SLC2A9: variants seen among roughly 807,000 people sequenced by gnomAD.
SLC2A9 encodes solute carrier family 2, facilitated glucose transporter member 9.
Under a neutral mutation model 50.6 loss-of-function variants are expected in SLC2A9, and 39 were observed. The ratio of observed to expected loss-of-function variants is 0.77; its 90% CI spans 0.60 to 1.01. The LOEUF is 1.01. SLC2A9 is among the 50% of genes least tolerant of loss of function. The probability of loss-of-function intolerance (pLI) is 0.00; values close to 1 mark genes in which losing one functional copy is unlikely to be tolerated. For synonymous variants in SLC2A9, 324 were observed against 276.9 expected (o/e 1.17, Z -1.69); for missense variants, 686 against 677.6 (o/e 1.01, Z -0.14).
intron 5 of SLC2A9, among the ~76,000 whole-genome samples, chr4:9,955,747 C>T (rs1270742011): frequency 2.6e-5 from 4 of 151,904 alleles, no homozygotes; most frequent in African/African-American, 4.8e-5. Flanking sequence ...GATTTGCTGC[C>T]GCGGACACCT....
chr4:9,813,412 T>G (rs1444592348), intron 3 of SLC2A9, among the ~76,000 whole-genome samples: 9 of 152,236 alleles, frequency 5.9e-5, no homozygotes, highest in Non-Finnish European at 7.3e-5. Context: ...CGCAGTTTGA[T>G]GAAATCCTAA....
At chr4:9,964,289 T>C (rs1392782888) in intron 5 of SLC2A9, among the ~76,000 whole-genome samples, 1 of 152,094 alleles carries the variant, frequency 6.6e-6, no homozygotes, top group Non-Finnish European at 1.5e-5. Flanking sequence ...TCCCAGCTGG[T>C]GCCAGTTCTG....
At chr4:9,804,888 G>T (rs890117287) in intron 3 of SLC2A9, among the ~76,000 whole-genome samples, 4 of 152,150 alleles carry the variant, frequency 2.6e-5, no homozygotes, top group Admixed American at 1.3e-4. Context: ...GGAAGTAGTT[G>T]GAAGAGCTGA....
chr4:9,888,466 T>A (rs1736714631), intron 9 of SLC2A9, among the ~76,000 whole-genome samples: 1 of 152,076 alleles, frequency 6.6e-6, no homozygotes, highest in South Asian at 2.1e-4. Flanking sequence ...CTGTCACTCA[T>A]CCGGGGGGTG....
chr4:9,920,669 C>T, intron 6 of SLC2A9, 97 bp from the exon 7 acceptor site: 1 of 1,424,712 alleles, frequency 7.0e-7, no homozygotes, highest in Non-Finnish European at 9.8e-7. Flanking sequence ...CTCCTAGCCA[C>T]ACACCTTAGC....
chr4:9,809,825 C>T (rs1722637548), intron 3 of SLC2A9, among the ~76,000 whole-genome samples: 1 of 151,754 alleles, frequency 6.6e-6, no homozygotes, highest in South Asian at 2.1e-4. Flanking sequence ...CAACCCTAAT[C>T]TAGCCGCCAT....
intron 10 of SLC2A9, among the ~76,000 whole-genome samples, chr4:9,845,678 C>T (rs1728873809): frequency 6.6e-6 from 1 of 152,002 alleles, no homozygotes; most frequent in Non-Finnish European, 1.5e-5. Context: ...GATCCGCCCG[C>T]CTCGGCCTCC....
At chr4:9,863,935 G>A (rs1732044359) in intron 10 of SLC2A9, among the ~76,000 whole-genome samples, 1 of 152,032 alleles carries the variant, frequency 6.6e-6, no homozygotes. Context: ...TGATGCTGTT[G>A]CAGAAATCAA....
At chr4:10,008,320 A>G (rs1761150197) in intron 2 of SLC2A9, among the ~76,000 whole-genome samples, 1 of 152,024 alleles carries the variant, frequency 6.6e-6, no homozygotes. Context: ...ACAGCCTGGG[A>G]CACCTGGACA....
At chr4:9,965,745 C>T (rs61691299) in intron 5 of SLC2A9, among the ~76,000 whole-genome samples, 4,303 of 152,188 alleles carry the variant, frequency 0.028, 205 homozygotes, top group African/African-American at 0.099. Flanking sequence ...TTCTTAAAAT[C>T]ATTTCAGTTA....
chr4:9,947,160 C>A (rs1176090466), intron 5 of SLC2A9, among the ~76,000 whole-genome samples: 1 of 152,164 alleles, frequency 6.6e-6, no homozygotes. Flanking sequence ...GACTCTGGGG[C>A]CAATGGATGT....
intron 10 of SLC2A9, among the ~76,000 whole-genome samples, chr4:9,856,225 G>A (rs1384122194): frequency 1.3e-5 from 2 of 152,138 alleles, no homozygotes; most frequent in Non-Finnish European, 2.9e-5. Context: ...TCTGACAAAG[G>A]TCTAATATCC....
chr4:9,908,646 G>A (rs1741139129), intron 7 of SLC2A9, among the ~76,000 whole-genome samples: 1 of 151,906 alleles, frequency 6.6e-6, no homozygotes, highest in African/African-American at 2.4e-5. Flanking sequence ...TTGGTGTGCT[G>A]CACCCATTAA....
At chr4:9,974,087 C>G (rs541693929) in intron 5 of SLC2A9, among the ~76,000 whole-genome samples, 3 of 152,068 alleles carry the variant, frequency 2.0e-5, no homozygotes, top group Non-Finnish European at 4.4e-5. Context: ...ATCCAACAAG[C>G]CTTAATGATA....
intron 10 of SLC2A9, among the ~76,000 whole-genome samples, chr4:9,877,804 C>T (rs1201252228): frequency 1.3e-5 from 2 of 152,202 alleles, no homozygotes; most frequent in Non-Finnish European, 2.9e-5. Flanking sequence ...CTGCCATCTT[C>T]CTGTCCCAGG....
chr4:9,990,763 T>C (rs1423986386), intron 3 of SLC2A9, among the ~76,000 whole-genome samples: 2 of 152,212 alleles, frequency 1.3e-5, no homozygotes, highest in African/African-American at 4.8e-5. Flanking sequence ...TCTGGTCTTA[T>C]CTACCATGCC....
At position 9,888,738 on chromosome 4, in the gene SLC2A9, C is replaced by CG. The variant is rs1393593281; in HGVS notation, c.1216-1097dup. 1.1e-4 allele frequency among the ~76,000 whole-genome samples: 16 copies of CG among 151,486 alleles called. No individual in the cohort carries two copies. The East Asian group carries it at 1.6e-3, about 15-fold the overall frequency. On this transcript the variant is annotated intron_variant, in intron 9 of 11. Transcript: ENST00000264784. Reference sequence around the variant, plus strand: ...TAGAATCCTAAGAGGGCACCATCGGCGGGGGGGTAAGCTGCAAACAGTCTG... The same window carrying CG: ...TAGAATCCTAAGAGGGCACCATCGGCGGGGGGGGTAAGCTGCAAACAGTCTG...
At chr4:9,776,183 C>CTCTCTTTTTTTT (rs1300940353), downstream of SLC2A9, among the ~76,000 whole-genome samples, 1 of 134,780 alleles carries the variant, frequency 7.4e-6, no homozygotes. Flanking sequence ...AGAAGTCTTT[C>CTCTCTTTTTTTT]TTTCTTTTTT....
intron 6 of SLC2A9, among the ~76,000 whole-genome samples, chr4:9,931,000 G>A (rs1745798543): frequency 6.6e-6 from 1 of 152,204 alleles, no homozygotes; most frequent in Non-Finnish European, 1.5e-5. Context: ...TGTCACCCAT[G>A]GGGTGGGAGG....
Sources: allele counts gnomAD v4.1 joint callset (sites outside exome capture counted in the v4.1 genomes callset), GRCh38; gene constraint gnomAD v4.1.1; transcripts MANE v1.5; gene names NCBI Gene and HGNC (gene_info 2026-07-23, HGNC 2026-07-21).